Variants in ATP9B observed in about 807,000 individuals in gnomAD.
ATP9B encodes the protein ATPase phospholipid transporting 9B, also known as probable phospholipid-transporting ATPase IIB.
ATP9B carries 110 observed loss-of-function variants against 146.1 expected under a neutral mutation model. That is an observed-to-expected ratio of 0.75 (90% CI 0.65 to 0.88). The LOEUF is 0.88. Among genes scored for constraint, ATP9B ranks in the 40% least tolerant of loss-of-function variants. The pLI, the probability that ATP9B is intolerant of heterozygous loss-of-function variation, is 0.00. For missense variants in ATP9B, 1,499 were observed against 1,496.4 expected, an observed-to-expected ratio of 1.00 and a Z score of -0.03; for synonymous variants, 604 against 569.7, an observed-to-expected ratio of 1.06 and a Z score of -0.86.
chr18:79,277,099 G>A lies in ATP9B; in HGVS notation c.1314G>A (p.Met438Ile). ...LDMGKAVYGW[M>I]MMKDENIPGT... Reference sequence around the variant, plus strand: ...TGGGCAAAGCGGTGTATGGATGGATGATGATGAAAGATGAGAACATCCCTG... The same window carrying A: ...TGGGCAAAGCGGTGTATGGATGGATAATGATGAAAGATGAGAACATCCCTG... Residue 438 changes from methionine to isoleucine, a missense_variant, in exon 13 of 30, where the codon ATG becomes ATA. Met to Ile is a conservative substitution (Grantham distance 10). Coordinates refer to ENST00000426216, the MANE Select transcript of ATP9B (RefSeq NM_198531.5). 6.2e-7 allele frequency: 1 copy of A among 1,614,204 alleles called. No individual in the cohort carries two copies. The highest frequency in any genetic ancestry group is 8.5e-7 in the Non-Finnish European group (1 of 1,180,028).
chr18:79,171,057 T>A (rs1007468666), intron 7 of ATP9B, among the ~76,000 whole-genome samples: 2 of 152,236 alleles, frequency 1.3e-5, no homozygotes, highest in Non-Finnish European at 2.9e-5. Context: ...ATATTTTGTT[T>A]AGTCTAATTG....
rs398033647 is a variant in ATP9B at position 79,256,286 on chromosome 18, T to TATATATATATATATATATATATAC, written c.1268+2746_1268+2747insTATATATATATATATATATATACA. Among the ~76,000 whole-genome samples the TATATATATATATATATATATATAC allele has an allele frequency of 1.1e-3, 138 of 122,998 alleles. 4 individuals are homozygous for TATATATATATATATATATATATAC. Among genetic ancestry groups the TATATATATATATATATATATATAC allele is most frequent in the African/African-American group, 4.1e-3 (125 of 30,746 alleles). The allele number at this position is 122,998 out of a possible 152,430, so 80.7% of individuals were successfully genotyped here. On this transcript the variant is annotated intron_variant, in intron 12 of 29. Transcript: ENST00000426216. Reference sequence around the variant, plus strand: ...ATATATATATATATATATATATATATACATACATAGTGAGGCTATGTTATT... The same window carrying TATATATATATATATATATATATAC: ...ATATATATATATATATATATATATATATATATATATATATATATATATACACATACATAGTGAGGCTATGTTATT...
chr18:79,286,683 C>T (rs2096446318), intron 13 of ATP9B, among the ~76,000 whole-genome samples: 1 of 152,066 alleles, frequency 6.6e-6, no homozygotes, highest in East Asian at 1.9e-4. Flanking sequence ...GAGAGGGCAT[C>T]CCTGTCTTGT....
At chr18:79,097,838 C>T (rs1450662584) in intron 2 of ATP9B, among the ~76,000 whole-genome samples, 1 of 148,646 alleles carries the variant, frequency 6.7e-6, no homozygotes, top group South Asian at 2.1e-4. Flanking sequence ...AATAAACATA[C>T]GTGTGCATGT....
chr18:79,186,351 T>C lies in ATP9B; in HGVS notation c.874-6832T>C, dbSNP rs2095308289. Among the ~76,000 whole-genome samples, 4 of 152,188 alleles carry C rather than the reference T, an allele frequency of 2.6e-5. No individual in the cohort carries two copies. The South Asian group carries it at 8.3e-4, about 32-fold the overall frequency. On this transcript the variant is annotated intron_variant, in intron 8 of 29. Coordinates refer to ENST00000426216, the MANE Select transcript of ATP9B (RefSeq NM_198531.5). ...TCCTCCGTTATTGAAAACTTCAGAA[T>C]GATTTTTAAATTATCGTGAAAAGCT...
intron 1 of ATP9B, among the ~76,000 whole-genome samples, chr18:79,084,938 T>C (rs2073658967): frequency 6.6e-6 from 1 of 152,064 alleles, no homozygotes; most frequent in South Asian, 2.1e-4. Context: ...AGATGTGATT[T>C]GAGTATGATG....
Position 79,377,446 on chromosome 18 carries a change from C to G in ATP9B, c.*63C>G. 1 of 1,573,672 alleles carries G rather than the reference C, an allele frequency of 6.4e-7. No individual in the cohort carries two copies. The highest frequency in any genetic ancestry group is 8.6e-7 in the Non-Finnish European group (1 of 1,161,494). On this transcript the variant is annotated 3_prime_UTR_variant, in exon 30 of 30. Coordinates refer to ENST00000426216, the MANE Select transcript of ATP9B (RefSeq NM_198531.5). ...TCTGCCCTTCCCAGCACCTTGTGCC[C>G]TTGCCAGTGAACGCAGGGTTTGCCA...
intron 6 of ATP9B, among the ~76,000 whole-genome samples, chr18:79,150,003 C>T (rs1599925574): frequency 6.6e-6 from 1 of 152,078 alleles, no homozygotes; most frequent in East Asian, 1.9e-4. Flanking sequence ...ATCGCTAGAA[C>T]CCGGGAGGCA....
intron 12 of ATP9B, among the ~76,000 whole-genome samples, chr18:79,264,429 C>A (rs374595578): frequency 6.6e-6 from 1 of 152,138 alleles, no homozygotes; most frequent in Non-Finnish European, 1.5e-5. Context: ...AAGGCTTTCT[C>A]GGCTTATGTT....
intron 6 of ATP9B, among the ~76,000 whole-genome samples, chr18:79,149,249 A>G (rs2094643718): frequency 6.6e-6 from 1 of 152,244 alleles, no homozygotes; most frequent in African/African-American, 2.4e-5. Context: ...AGTGAGAGGA[A>G]TCACCCTTGA....
chr18:79,107,432 G>C (rs2075725954), intron 2 of ATP9B, among the ~76,000 whole-genome samples: 1 of 152,186 alleles, frequency 6.6e-6, no homozygotes, highest in Non-Finnish European at 1.5e-5. Flanking sequence ...GGTACTCTTT[G>C]TGCCCAAGCT....
intron 4 of ATP9B, among the ~76,000 whole-genome samples, chr18:79,121,225 A>C (rs1207672527): frequency 6.6e-6 from 1 of 152,196 alleles, no homozygotes; most frequent in Non-Finnish European, 1.5e-5. Context: ...CTAGCTCCGC[A>C]TTGTTCTTGG....
At chr18:79,359,303 T>C (rs776809865) in intron 25 of ATP9B, 51 bp from the exon 26 acceptor site, 7 of 1,374,998 alleles carry the variant, frequency 5.1e-6, no homozygotes, top group Non-Finnish European at 7.2e-6. Flanking sequence ...TGTTTCTAGC[T>C]GTGTGGTAGA....
chr18:79,302,791 A>G (rs1720332149), intron 13 of ATP9B, among the ~76,000 whole-genome samples: 1 of 152,184 alleles, frequency 6.6e-6, no homozygotes, highest in South Asian at 2.1e-4. Flanking sequence ...ACACACATAC[A>G]TGCTAAGGAT....
At chr18:79,129,728 G>A (rs1179402593) in intron 5 of ATP9B, among the ~76,000 whole-genome samples, 1 of 151,972 alleles carries the variant, frequency 6.6e-6, no homozygotes, top group Non-Finnish European at 1.5e-5. Flanking sequence ...AGATTATAAT[G>A]TATGTCCAGT....
chr18:79,355,074 G>A (rs578205537), intron 25 of ATP9B, among the ~76,000 whole-genome samples: 96 of 152,358 alleles, frequency 6.3e-4, no homozygotes, highest in East Asian at 1.9e-4. Flanking sequence ...CCCCAGTGAA[G>A]GGGTAATGAG....
At chr18:79,362,531 C>T (rs2096996132) in intron 26 of ATP9B, 1 of 152,236 alleles carries the variant, frequency 6.6e-6, no homozygotes, top group Admixed American at 6.5e-5. Flanking sequence ...AAACTTTACT[C>T]ACGATGAGTT....
chr18:79,182,933 G>C (rs1199948506), intron 8 of ATP9B, among the ~76,000 whole-genome samples: 1 of 152,050 alleles, frequency 6.6e-6, no homozygotes, highest in South Asian at 2.1e-4. Context: ...TGTCAATTTT[G>C]AGTCCTGATT....
chr18:79,163,957 G>T (rs950152432), intron 7 of ATP9B, among the ~76,000 whole-genome samples: 1 of 150,828 alleles, frequency 6.6e-6, no homozygotes, highest in African/African-American at 2.4e-5. Flanking sequence ...GTCTCGCACT[G>T]TCCCAGGCTA....
Sources: allele counts gnomAD v4.1 joint callset (sites outside exome capture counted in the v4.1 genomes callset), GRCh38; gene constraint gnomAD v4.1.1; transcripts MANE v1.5; gene names NCBI Gene and HGNC (gene_info 2026-07-23, HGNC 2026-07-21).